CACNA1B: variants seen among roughly 807,000 people sequenced by gnomAD.
CACNA1B encodes calcium voltage-gated channel subunit alpha1 B, also known as voltage-dependent N-type calcium channel subunit alpha-1B.
A neutral mutation model predicts 247.2 loss-of-function variants in CACNA1B; 70 were observed. The ratio of observed to expected loss-of-function variants is 0.28; its 90% CI spans 0.23 to 0.35. The LOEUF (loss-of-function observed/expected upper bound fraction) is 0.35, where lower values mean the gene tolerates loss of function less well. Ranked by LOEUF, CACNA1B falls within the 10% of genes least tolerant of loss-of-function variation. The pLI is 1.00. For synonymous variants in CACNA1B, 1,231 were observed against 1,294.4 expected (o/e 0.95, Z 1.05); for missense variants, 2,367 against 3,197.4 (o/e 0.74, Z 6.26).
intron 6 of CACNA1B, among the ~76,000 whole-genome samples, chr9:137,932,915 TTTTATTTA>T (rs757517541): frequency 1.2e-4 from 15 of 122,980 alleles, no homozygotes; most frequent in Non-Finnish European, 1.8e-4. Flanking sequence ...TTATCTTTAC[TTTTATTTA>T]TTTATTTATT....
At chr9:138,039,052 C>T (rs994118395) in intron 20 of CACNA1B, among the ~76,000 whole-genome samples, 7 of 151,876 alleles carry the variant, frequency 4.6e-5, no homozygotes, top group African/African-American at 1.2e-4. Flanking sequence ...AAAAATTAGC[C>T]GGGTGTAGTG....
intron 41 of CACNA1B, among the ~76,000 whole-genome samples, chr9:138,115,147 C>T (rs886784880): frequency 9.9e-5 from 15 of 152,186 alleles, no homozygotes; most frequent in Non-Finnish European, 1.5e-4. Flanking sequence ...CCTGAAATCT[C>T]GGAATTTTGC....
chr9:138,023,064 A>T lies in CACNA1B; in HGVS notation c.2321A>T (p.Gln774Leu), dbSNP rs1269114829. ...TCGGTGTGGGAGCAGCGGGCCAGCCAGCTACGGCTGCAGAACCTGCGGGCC... is the reference window on the plus strand; with the variant it reads ...TCGGTGTGGGAGCAGCGGGCCAGCCTGCTACGGCTGCAGAACCTGCGGGCC... ...ARSVWEQRAS[Q>L]LRLQNLRASC... The change falls in exon 19 of 47, where the codon CAG (glutamine) becomes CTG (leucine). Residue 774 changes from glutamine (Q) to leucine (L), a missense_variant. Around this residue, in one of 12 missense-constraint regions of CACNA1B, gnomAD observed 631 missense variants for 631.1 expected, o/e 1.00. Transcript: ENST00000371372. 6.5e-7 allele frequency: 1 copy of T among 1,529,472 alleles called. No homozygotes were observed. The highest frequency in any genetic ancestry group is 8.7e-7 in the Non-Finnish European group (1 of 1,144,748). 94.7% of individuals were successfully genotyped at this position (1,529,472 alleles called of 1,614,324 possible).
rs552803738 is a variant in CACNA1B at position 138,052,838 on chromosome 9, A to G, written c.3807+650A>G. ...CCCACTGGGTCCAGGGAGGAGTGGC[A>G]CCTGCCCTGGCACCGAGTGGCGCTG... On this transcript the variant is annotated intron_variant, in intron 25 of 46. Coordinates refer to ENST00000371372, the MANE Select transcript of CACNA1B (RefSeq NM_000718.4). This position sits in a 1 kb window ranked among gnomAD's most constrained non-coding sequence, Gnocchi z 5.1. 2.0e-5 allele frequency among the ~76,000 whole-genome samples: 3 copies of G among 152,308 alleles called. No homozygotes were observed. In the South Asian group the frequency reaches 6.2e-4, roughly 32 times the overall value.
Position 138,030,994 on chromosome 9 carries a change from C to G in CACNA1B, c.3286+5822C>G, listed in dbSNP as rs181012173. Among the ~76,000 whole-genome samples, 9 of 152,158 alleles carry G rather than the reference C, an allele frequency of 5.9e-5. No individual in the cohort carries two copies. The East Asian group carries it at 1.7e-3, about 29-fold the overall frequency. On this transcript the variant is annotated intron_variant, in intron 20 of 46. Transcript: ENST00000371372. The stretch of plus-strand genomic sequence containing the variant: ...AATTTTATTGATGTTTTCAAAGAAC[C>G]AAATTATTGTTACATTGATTTTCCC...
At chr9:138,049,098 G>C (rs541302591) in intron 23 of CACNA1B, 111 bp from the exon 24 acceptor site, 2 of 749,762 alleles carry the variant, frequency 2.7e-6, no homozygotes, top group East Asian at 5.1e-5. Context: ...TAAGCAGTCT[G>C]CCTGCCTCAG....
At chr9:138,040,904 G>A (rs1001599842) in intron 20 of CACNA1B, among the ~76,000 whole-genome samples, 1 of 152,138 alleles carries the variant, frequency 6.6e-6, no homozygotes, top group African/African-American at 2.4e-5. Context: ...TCTCAACTAA[G>A]GTTTTGTGAG....
chr9:138,039,597 A>G (rs1959091942), intron 20 of CACNA1B, among the ~76,000 whole-genome samples: 1 of 152,106 alleles, frequency 6.6e-6, no homozygotes, highest in African/African-American at 2.4e-5. Flanking sequence ...CAGTTTCCAA[A>G]TGTAAAATTT....
rs536116097 is a variant in CACNA1B, at chr9:138,100,399, G to T, written c.5223-2312G>T. 6.6e-6 allele frequency among the ~76,000 whole-genome samples: 1 copy of T among 152,164 alleles called. No individual in the cohort carries two copies. Among genetic ancestry groups the T allele is most frequent in the Non-Finnish European group, 1.5e-5 (1 of 68,040 alleles). On this transcript the variant is annotated intron_variant, in intron 37 of 46. Transcript: ENST00000371372. The surrounding 1 kb of genome is among the most constrained non-coding windows in gnomAD (Gnocchi z 4.6). ...TTTCCACCTGGGCTTGATGGGCAGGGACAGCTGGGGAGGGTGGGGGGTCTC... is the reference window on the plus strand; with the variant it reads ...TTTCCACCTGGGCTTGATGGGCAGGTACAGCTGGGGAGGGTGGGGGGTCTC...
chr9:138,023,811 G>A lies in CACNA1B; in HGVS notation c.3068G>A (p.Arg1023Gln), dbSNP rs1958884102. ...AAGGAGCTCCGGAACCACCAGCCCC[G>A]GTGAGTCCGCGGCTGGGCGGGGTCA... is the stretch of plus-strand genomic sequence containing the variant. ...KEKELRNHQP[R>Q]EPHCDLETSG... The change falls in exon 19 of 47, where the codon CGG becomes CAG. Residue 1023 changes from arginine (R) to glutamine (Q), a missense_variant and splice_region_variant. Arg to Gln is a conservative substitution (Grantham distance 43). Coordinates refer to ENST00000371372, the MANE Select transcript of CACNA1B (RefSeq NM_000718.4). The A allele has an allele frequency of 1.5e-6, 2 of 1,352,978 alleles. No individual in the cohort carries two copies. Among genetic ancestry groups the A allele is most frequent in the East Asian group, 2.5e-5 (1 of 39,770 alleles). 83.8% of individuals were successfully genotyped at this position (1,352,978 alleles called of 1,614,324 possible). A position where few individuals can be genotyped will look rare whatever the true frequency, so the allele number is the denominator to read the frequency against.
intron 42 of CACNA1B, among the ~76,000 whole-genome samples, chr9:138,116,203 C>T (rs1961863284): frequency 1.3e-5 from 2 of 152,356 alleles, no homozygotes; most frequent in Admixed American, 1.3e-4. Flanking sequence ...CCTTCTACTG[C>T]TCTGATCTTT....
rs192501041 is a variant in CACNA1B, at chr9:137,897,694, G to A, written c.530+14811G>A. Among the ~76,000 whole-genome samples the A allele has an allele frequency of 5.3e-5, 8 of 152,040 alleles. No individual in the cohort carries two copies. The East Asian group carries it at 1.5e-3, about 29-fold the overall frequency. On this transcript the variant is annotated intron_variant, in intron 3 of 46. Transcript: ENST00000371372. ...TTCAATTCCGTGTATTTTATTTTGT[G>A]TTTTTATCATTTTAATCATTATTAT...
At chr9:138,074,139 A>G in intron 34 of CACNA1B, 73 bp downstream of exon 34, 1 of 1,031,878 alleles carries the variant, frequency 9.7e-7, no homozygotes, top group Non-Finnish European at 1.5e-6. Flanking sequence ...ACTGATCATG[A>G]TTGTCAAATC....
intron 5 of CACNA1B, among the ~76,000 whole-genome samples, chr9:137,915,898 G>A (rs1957404955): frequency 6.6e-6 from 1 of 151,894 alleles, no homozygotes; most frequent in South Asian, 2.1e-4. Context: ...CATTTATCAA[G>A]ATATTTGGAC....
chr9:138,099,849 GT>G (rs1321343881), intron 37 of CACNA1B, among the ~76,000 whole-genome samples: 1 of 152,246 alleles, frequency 6.6e-6, no homozygotes, highest in Non-Finnish European at 1.5e-5. Context: ...GTGAAGCCTG[GT>G]GACTTGAGAG....
Position 137,914,450 on chromosome 9 carries a change from G to A in CACNA1B, c.623-204G>A, listed in dbSNP as rs1047922612. ...TCTAGGACCTTATGCTTTGTCCCTA[G>A]GACTCTCAGCTCTGCCCTACACAAG... On this transcript the variant is annotated intron_variant, in intron 4 of 46. Transcript: ENST00000371372. This position sits in a 1 kb window ranked among gnomAD's most constrained non-coding sequence, Gnocchi z 4.3. Among the ~76,000 whole-genome samples, 1 of 151,952 alleles carries A rather than the reference G, an allele frequency of 6.6e-6. No homozygotes were observed. Among genetic ancestry groups the A allele is most frequent in the Non-Finnish European group, 1.5e-5 (1 of 68,012 alleles).
chr9:137,949,379 A>G (rs1158151312), intron 6 of CACNA1B, among the ~76,000 whole-genome samples: 2 of 81,768 alleles, frequency 2.4e-5, no homozygotes, highest in Admixed American at 1.3e-4. Flanking sequence ...TGTGGTGTGC[A>G]TGTGTGTGGT....
rs1254820656 is a variant in CACNA1B at position 138,020,777 on chromosome 9, C to T, written c.2268-2234C>T. 1.3e-5 allele frequency among the ~76,000 whole-genome samples: 2 copies of T among 152,202 alleles called. No homozygotes were observed. The highest frequency in any genetic ancestry group is 2.9e-5 in the Non-Finnish European group (2 of 68,028). ...GCCCTCAGCCCAGCAGACAGCCTGG[C>T]CTTTCCCTGCTCCAGGTGTTTCCTG... On this transcript the variant is annotated intron_variant, in intron 18 of 46. Transcript: ENST00000371372. This position sits in a 1 kb window ranked among gnomAD's most constrained non-coding sequence, Gnocchi z 4.1.
intron 3 of CACNA1B, among the ~76,000 whole-genome samples, chr9:137,910,083 C>T (rs1957343795): frequency 6.6e-6 from 1 of 152,116 alleles, no homozygotes; most frequent in South Asian, 2.1e-4. Flanking sequence ...TAATAGCTAT[C>T]TTAGTGAGTA....
Sources: gnomAD v4.1 joint callset for allele counts (sites outside exome capture counted in the v4.1 genomes callset) on GRCh38, gnomAD v4.1.1 for gene constraint, gnomAD v4.1.1 regional missense constraint, Gnocchi (gnomAD v3.1) non-coding constraint, MANE v1.5 for transcripts, NCBI Gene and HGNC (gene_info 2026-07-23, HGNC 2026-07-21) for gene names.